GPC5: variants seen among roughly 807,000 people sequenced by gnomAD.
The protein encoded by GPC5 is glypican-5.
GPC5 carries 47 observed loss-of-function variants against 53.9 expected under a neutral mutation model. That is an observed-to-expected ratio of 0.87 (90% confidence interval 0.69 to 1.11). The LOEUF (loss-of-function observed/expected upper bound fraction) is 1.11. Among genes scored for constraint, GPC5 ranks in the 50% most tolerant of loss-of-function variants. The pLI is 0.00. For synonymous variants in GPC5, 286 were observed against 263.3 expected (o/e 1.09, Z -0.84); for missense variants, 748 against 713.1 (o/e 1.05, Z -0.56).
At chr13:92,288,103 A>G (rs534353953) in intron 7 of GPC5, among the ~76,000 whole-genome samples, 37 of 151,992 alleles carry the variant, frequency 2.4e-4, no homozygotes, top group African/African-American at 8.7e-4. Flanking sequence ...CATAATTTCT[A>G]TTTAAATCCC....
At chr13:91,611,253 G>T (rs1400046032) in intron 2 of GPC5, among the ~76,000 whole-genome samples, 1 of 152,124 alleles carries the variant, frequency 6.6e-6, no homozygotes, top group Admixed American at 6.5e-5. Context: ...CAAGCAATTA[G>T]GAAACATCTT....
intron 7 of GPC5, among the ~76,000 whole-genome samples, chr13:92,322,371 A>G (rs986212428): frequency 6.6e-6 from 1 of 152,138 alleles, no homozygotes. Flanking sequence ...ATTATATGAG[A>G]CATTTGACCA....
intron 7 of GPC5, among the ~76,000 whole-genome samples, chr13:92,230,986 G>T (rs146788885): frequency 6.6e-6 from 1 of 152,206 alleles, no homozygotes; most frequent in African/African-American, 2.4e-5. Context: ...AGGCAGCAAG[G>T]TGTCATGGAA....
At chr13:92,571,789 A>T (rs1883030958) in intron 7 of GPC5, among the ~76,000 whole-genome samples, 1 of 152,182 alleles carries the variant, frequency 6.6e-6, no homozygotes, top group South Asian at 2.1e-4. Flanking sequence ...TTGTAATCCC[A>T]GCACTTTGGG....
At chr13:91,769,372 G>A (rs999998851) in intron 5 of GPC5, among the ~76,000 whole-genome samples, 3 of 152,150 alleles carry the variant, frequency 2.0e-5, no homozygotes, top group Non-Finnish European at 2.9e-5. Flanking sequence ...CTACAGCTTA[G>A]CCAAGTTGCC....
intron 7 of GPC5, among the ~76,000 whole-genome samples, chr13:92,154,284 C>G (rs927338375): frequency 6.6e-6 from 1 of 152,074 alleles, no homozygotes; most frequent in African/African-American, 2.4e-5. Flanking sequence ...CCCACCAGGC[C>G]CCAGCTCCAA....
chr13:92,471,206 C>G (rs1878897751), intron 7 of GPC5, among the ~76,000 whole-genome samples: 2 of 152,254 alleles, frequency 1.3e-5, no homozygotes, highest in South Asian at 4.1e-4. Flanking sequence ...ATACACTAAA[C>G]TCAATGATTA....
chr13:92,577,199 G>A (rs1883213849), intron 7 of GPC5, among the ~76,000 whole-genome samples: 2 of 152,232 alleles, frequency 1.3e-5, no homozygotes, highest in Middle Eastern at 3.4e-3. Context: ...TCCTCCTGGA[G>A]ACTTTGGTTC....
At chr13:92,375,431 G>A (rs2043686070) in intron 7 of GPC5, among the ~76,000 whole-genome samples, 1 of 152,162 alleles carries the variant, frequency 6.6e-6, no homozygotes, top group Admixed American at 6.5e-5. Context: ...TAGCCTTTCA[G>A]TAAAGAAATG....
intron 7 of GPC5, among the ~76,000 whole-genome samples, chr13:92,775,123 T>C (rs1339462070): frequency 6.6e-6 from 1 of 152,206 alleles, no homozygotes; most frequent in Non-Finnish European, 1.5e-5. Flanking sequence ...ATCATTCATT[T>C]ATGGTCTTGT....
chr13:91,960,500 T>C (rs895341539), intron 6 of GPC5, among the ~76,000 whole-genome samples: 1 of 152,016 alleles, frequency 6.6e-6, no homozygotes, highest in Admixed American at 6.6e-5. Context: ...AAGCAATCTA[T>C]AGATACAATG....
intron 2 of GPC5, among the ~76,000 whole-genome samples, chr13:91,598,553 A>G (rs1488545383): frequency 2.0e-5 from 3 of 152,092 alleles, no homozygotes; most frequent in Non-Finnish European, 2.9e-5. Flanking sequence ...TTGTAGGCCC[A>G]AAGTTCTTGT....
At chr13:91,679,953 A>C (rs2035469249) in intron 2 of GPC5, among the ~76,000 whole-genome samples, 3 of 152,146 alleles carry the variant, frequency 2.0e-5, no homozygotes, top group Admixed American at 2.0e-4. Flanking sequence ...TTCTTGAACA[A>C]AGTGATTGAC....
chr13:92,145,716 ATG>A (rs1039750426), intron 7 of GPC5, among the ~76,000 whole-genome samples: 2 of 152,164 alleles, frequency 1.3e-5, no homozygotes, highest in African/African-American at 4.8e-5. Flanking sequence ...CTGAGAAATA[ATG>A]TAAATGTTGA....
At chr13:91,617,463 GT>G (rs1566556656) in intron 2 of GPC5, among the ~76,000 whole-genome samples, 1 of 152,112 alleles carries the variant, frequency 6.6e-6, no homozygotes, top group Non-Finnish European at 1.5e-5. Flanking sequence ...AGGACATTAG[GT>G]ATTAGTGGAA....
At chr13:91,706,258 T>G (rs2036103938) in intron 3 of GPC5, among the ~76,000 whole-genome samples, 1 of 152,176 alleles carries the variant, frequency 6.6e-6, no homozygotes, top group African/African-American at 2.4e-5. Flanking sequence ...AAAGTTAGAT[T>G]TAATTTACAG....
At chr13:91,942,409 T>A (rs887139410) in intron 6 of GPC5, among the ~76,000 whole-genome samples, 7 of 152,172 alleles carry the variant, frequency 4.6e-5, no homozygotes, top group African/African-American at 1.4e-4. Flanking sequence ...ACACAAAAAA[T>A]GGAAATCTAT....
intron 6 of GPC5, among the ~76,000 whole-genome samples, chr13:91,913,633 C>T (rs2039631956): frequency 6.6e-6 from 1 of 152,102 alleles, no homozygotes; most frequent in African/African-American, 2.4e-5. Flanking sequence ...TTCCTTCATT[C>T]CCTCTGCAAA....
At chr13:91,900,624 T>C (rs2039487979) in intron 5 of GPC5, among the ~76,000 whole-genome samples, 1 of 152,116 alleles carries the variant, frequency 6.6e-6, no homozygotes, top group Admixed American at 6.6e-5. Flanking sequence ...ATTAAAAAAT[T>C]TAAAACCATA....
Sources: gnomAD v4.1 joint callset for allele counts (sites outside exome capture counted in the v4.1 genomes callset) on GRCh38, gnomAD v4.1.1 for gene constraint, MANE v1.5 for transcripts, NCBI Gene and HGNC (gene_info 2026-07-23, HGNC 2026-07-21) for gene names.